Variants in AKAP6 observed in about 807,000 individuals in gnomAD.
The protein encoded by AKAP6 is A-kinase anchor protein 6.
Under a neutral mutation model 188.5 loss-of-function variants are expected in AKAP6, and 58 were observed. That is an observed-to-expected ratio of 0.31 (90% CI 0.25 to 0.38). The LOEUF (loss-of-function observed/expected upper bound fraction) is 0.38, where lower values mean the gene tolerates loss of function less well. Ranked by LOEUF, AKAP6 falls within the 10% of genes least tolerant of loss-of-function variation. The pLI, the probability that AKAP6 is intolerant of heterozygous loss-of-function variation, is 1.00. For missense variants in AKAP6, 2,710 were observed against 2,740.0 expected (o/e 0.99, Z 0.24); for synonymous variants, 989 against 998.6 (o/e 0.99, Z 0.18).
intron 1 of AKAP6, among the ~76,000 whole-genome samples, chr14:32,428,042 CT>C (rs1890091871): frequency 6.6e-6 from 1 of 152,168 alleles, no homozygotes; most frequent in Admixed American, 6.5e-5. Flanking sequence ...CATGATAATG[CT>C]CTTACATGGA....
At chr14:32,382,654 G>A (rs1888403139) in intron 1 of AKAP6, among the ~76,000 whole-genome samples, 1 of 152,166 alleles carries the variant, frequency 6.6e-6, no homozygotes, top group Non-Finnish European at 1.5e-5. Context: ...AAATTGGCAG[G>A]ATTCAAGTGC....
At chr14:32,620,667 T>C (rs1240013912) in intron 7 of AKAP6, among the ~76,000 whole-genome samples, 24 of 152,112 alleles carry the variant, frequency 1.6e-4, no homozygotes, top group Non-Finnish European at 5.9e-5. Context: ...ATTAGGGTAA[T>C]ACTGGCTTCA....
Position 32,355,128 on chromosome 14 carries a change from T to C in AKAP6, c.-35+25720T>C, listed in dbSNP as rs73256753. 2.4e-3 allele frequency among the ~76,000 whole-genome samples: 360 copies of C among 152,378 alleles called. 1 individual carries two copies. The highest frequency in any genetic ancestry group is 7.6e-3 in the African/African-American group (314 of 41,580). Reference sequence around the variant, plus strand: ...TGTGATCTACCTCATATTCCTTCAATACATTTCTTTTTACGTACCTTAGAT... The same window carrying C: ...TGTGATCTACCTCATATTCCTTCAACACATTTCTTTTTACGTACCTTAGAT... On this transcript the variant is annotated intron_variant, in intron 1 of 13. Transcript: ENST00000280979.
chr14:32,577,349 T>C, intron 5 of AKAP6, 107 bp downstream of exon 5: 1 of 1,430,448 alleles, frequency 7.0e-7, no homozygotes, highest in Non-Finnish European at 9.4e-7. Context: ...TTACTATATG[T>C]CAATGAAACC....
In AKAP6 at chr14:32,824,469, A is replaced by G; in HGVS notation, c.6656A>G (p.Gln2219Arg). The change falls in exon 13 of 14, where the codon CAG becomes CGG. Residue 2219 changes from glutamine to arginine, a missense_variant. Physicochemically the swap from Gln to Arg is conservative, Grantham distance 43 (BLOSUM62 1). This residue lies in a region of AKAP6 where 2,473 missense variants were observed against 2,426.1 expected (regional missense o/e 1.02). Transcript: ENST00000280979. The part of the protein sequence containing the change: ...DTVALSSPSS[Q>R]ERAEVGKEVN... Reference sequence around the variant, plus strand: ...GTGGCTCTTTCAAGTCCTTCCTCTCAGGAAAGAGCTGAGGTTGGAAAGGAA... The same window carrying G: ...GTGGCTCTTTCAAGTCCTTCCTCTCGGGAAAGAGCTGAGGTTGGAAAGGAA... 6.2e-7 allele frequency: 1 copy of G among 1,613,966 alleles called. No individual in the cohort carries two copies. The highest frequency in any genetic ancestry group is 8.5e-7 in the Non-Finnish European group (1 of 1,179,958).
chr14:32,626,781 C>G (rs537724843), intron 7 of AKAP6, among the ~76,000 whole-genome samples: 14 of 152,250 alleles, frequency 9.2e-5, no homozygotes, highest in African/African-American at 3.1e-4. Context: ...CCCCTCAGCA[C>G]ATTGCTTCGG....
intron 1 of AKAP6, among the ~76,000 whole-genome samples, chr14:32,416,775 C>T (rs149504373): frequency 0.023 from 3,507 of 151,994 alleles, 63 homozygotes; most frequent in Middle Eastern, 0.041. Context: ...GGCTGGACTC[C>T]AACTCCTGAC....
intron 1 of AKAP6, among the ~76,000 whole-genome samples, chr14:32,372,018 T>G (rs927147356): frequency 8.6e-5 from 13 of 151,966 alleles, no homozygotes; most frequent in Non-Finnish European, 5.9e-5. Flanking sequence ...TCCCTACACA[T>G]ATTTATAAGT....
rs1472575201 is a variant in AKAP6 at position 32,700,098 on chromosome 14, A to G, written c.3000+3988A>G. On this transcript the variant is annotated intron_variant, in intron 9 of 13. Coordinates refer to ENST00000280979, the MANE Select transcript of AKAP6 (RefSeq NM_004274.5). ...CCTCCTCCCCCATTCTCTAAGTGTTATAGACTGAGTGACCTAGAAGCATTT... is the reference window on the plus strand; with the variant it reads ...CCTCCTCCCCCATTCTCTAAGTGTTGTAGACTGAGTGACCTAGAAGCATTT... 2.7e-5 allele frequency among the ~76,000 whole-genome samples: 4 copies of G among 148,874 alleles called. No homozygotes were observed. In the East Asian group the frequency reaches 5.8e-4, roughly 22 times the overall value.
intron 1 of AKAP6, among the ~76,000 whole-genome samples, chr14:32,378,070 AAG>A (rs972450392): frequency 1.3e-5 from 2 of 152,200 alleles, no homozygotes; most frequent in Non-Finnish European, 1.5e-5. Flanking sequence ...TGTATACTAA[AAG>A]AACATTATGC....
At chr14:32,414,141 T>C (rs1456509140) in intron 1 of AKAP6, among the ~76,000 whole-genome samples, 1 of 152,030 alleles carries the variant, frequency 6.6e-6, no homozygotes, top group Non-Finnish European at 1.5e-5. Flanking sequence ...TGGGGACTGC[T>C]GAGGTCAAAG....
intron 4 of AKAP6, among the ~76,000 whole-genome samples, chr14:32,548,529 AATAG>A (rs71115083): frequency 0.35 from 49,391 of 142,318 alleles, 8,575 homozygotes; most frequent in African/African-American, 0.36. Context: ...CTCAAGCTAA[AATAG>A]ATAGATAGAT....
At chr14:32,782,499 A>G (rs1372738699) in intron 12 of AKAP6, among the ~76,000 whole-genome samples, 2 of 152,212 alleles carry the variant, frequency 1.3e-5, no homozygotes, top group Admixed American at 6.5e-5. Context: ...CCATCTATGT[A>G]GAAACTGCTA....
intron 11 of AKAP6, among the ~76,000 whole-genome samples, chr14:32,773,304 G>A (rs17519834): frequency 0.028 from 4,262 of 152,172 alleles, 94 homozygotes; most frequent in East Asian, 0.075. Flanking sequence ...TCTTTTCGGA[G>A]GATTTTTCTA....
At chr14:32,469,123 A>G (rs973887722) in intron 2 of AKAP6, among the ~76,000 whole-genome samples, 1 of 152,146 alleles carries the variant, frequency 6.6e-6, no homozygotes, top group Non-Finnish European at 1.5e-5. Flanking sequence ...ACTCTGGGGA[A>G]GTGTTTTCCT....
chr14:32,557,552 C>G (rs1883744737), intron 4 of AKAP6, among the ~76,000 whole-genome samples: 2 of 152,114 alleles, frequency 1.3e-5, no homozygotes, highest in Non-Finnish European at 2.9e-5. Context: ...TTCTTACTTG[C>G]CTTTGATGTT....
At chr14:32,481,422 G>A (rs1879336184) in intron 2 of AKAP6, among the ~76,000 whole-genome samples, 1 of 152,108 alleles carries the variant, frequency 6.6e-6, no homozygotes. Flanking sequence ...CCGGGACTGG[G>A]TAATTTATAA....
In AKAP6 at chr14:32,717,608, TCACA is replaced by T. The variant is rs57925449; in HGVS notation, c.3001-14821_3001-14818del. ...TTACTTTTATCACTCTTGTCTCTTATCACACACACACACACACACACACACACAT... is the reference window on the plus strand; with the variant it reads ...TTACTTTTATCACTCTTGTCTCTTATCACACACACACACACACACACACAT... On this transcript the variant is annotated intron_variant, in intron 9 of 13. Transcript: ENST00000280979. 3.5e-3 allele frequency among the ~76,000 whole-genome samples: 519 copies of T among 147,824 alleles called. 2 individuals carry two copies. Among genetic ancestry groups the T allele is most frequent in the African/African-American group, 7.4e-3 (299 of 40,232 alleles).
intron 2 of AKAP6, among the ~76,000 whole-genome samples, chr14:32,505,070 GA>G (rs1352408582): frequency 6.6e-6 from 1 of 152,202 alleles, no homozygotes; most frequent in Non-Finnish European, 1.5e-5. Flanking sequence ...CTTTCATAGG[GA>G]GGAGCACTGA....
Sources: gnomAD v4.1 joint callset for allele counts (sites outside exome capture counted in the v4.1 genomes callset) on GRCh38, gnomAD v4.1.1 for gene constraint, gnomAD v4.1.1 regional missense constraint, MANE v1.5 for transcripts, NCBI Gene and HGNC (gene_info 2026-07-23, HGNC 2026-07-21) for gene names.